SYNPO2: variants seen among roughly 807,000 people sequenced by gnomAD.
The protein encoded by SYNPO2 is synaptopodin-2.
SYNPO2 carries 56 observed loss-of-function variants against 85.0 expected under a neutral mutation model. That is an observed-to-expected ratio of 0.66 (90% confidence interval 0.53 to 0.82). The LOEUF (loss-of-function observed/expected upper bound fraction) is 0.82, where lower values mean the gene tolerates loss of function less well. Ranked by LOEUF, SYNPO2 falls within the 40% of genes least tolerant of loss-of-function variation. The pLI, the probability that SYNPO2 is intolerant of heterozygous loss-of-function variation, is 0.00. For missense variants in SYNPO2, 1,575 were observed against 1,534.2 expected (o/e 1.03, Z -0.44); for synonymous variants, 602 against 591.1 (o/e 1.02, Z -0.27).
intron 1 of SYNPO2, among the ~76,000 whole-genome samples, chr4:118,998,427 A>G (rs1736698528): frequency 6.6e-6 from 1 of 152,226 alleles, no homozygotes; most frequent in Non-Finnish European, 1.5e-5. Context: ...TCTGATGATG[A>G]GAAAATTAAT....
intron 1 of SYNPO2, among the ~76,000 whole-genome samples, chr4:118,968,774 C>T (rs1735411530): frequency 6.6e-6 from 1 of 152,162 alleles, no homozygotes; most frequent in African/African-American, 2.4e-5. Context: ...AATGGCATAA[C>T]TCCCTTGTGG....
intron 1 of SYNPO2, among the ~76,000 whole-genome samples, chr4:118,958,004 G>A (rs1734938920): frequency 1.3e-5 from 2 of 152,162 alleles, no homozygotes; most frequent in African/African-American, 4.8e-5. Context: ...GTGCTGAGAT[G>A]AGCTAATTCT....
intron 2 of SYNPO2, among the ~76,000 whole-genome samples, chr4:119,025,606 T>C (rs895524312): frequency 8.6e-5 from 13 of 152,044 alleles, no homozygotes; most frequent in African/African-American, 2.4e-4. Flanking sequence ...AGAATCCAAG[T>C]AGAAGCTCAC....
At chr4:118,961,104 C>CCA (rs796180164) in intron 1 of SYNPO2, among the ~76,000 whole-genome samples, 9 of 117,416 alleles carry the variant, frequency 7.7e-5, no homozygotes, top group African/African-American at 6.5e-5. Flanking sequence ...TTACCGCCCC[C>CCA]CCCCCACCCC....
chr4:118,974,951 A>C (rs1401528025), intron 1 of SYNPO2, among the ~76,000 whole-genome samples: 3 of 152,184 alleles, frequency 2.0e-5, no homozygotes, highest in African/African-American at 7.2e-5. Flanking sequence ...CACACTGACT[A>C]ATCTCCCTAG....
At chr4:119,018,177 CAT>C (rs1417956405) in intron 1 of SYNPO2, among the ~76,000 whole-genome samples, 2 of 152,094 alleles carry the variant, frequency 1.3e-5, no homozygotes, top group African/African-American at 4.8e-5. Flanking sequence ...GAAATCCTCA[CAT>C]GTGAGTGAGA....
intron 1 of SYNPO2, among the ~76,000 whole-genome samples, chr4:118,910,404 G>A (rs1733096487): frequency 6.6e-6 from 1 of 152,284 alleles, no homozygotes; most frequent in South Asian, 2.1e-4. Flanking sequence ...AAGGAGGTGC[G>A]TTGCACCGGG....
intron 1 of SYNPO2, among the ~76,000 whole-genome samples, chr4:119,001,574 C>T (rs753882521): frequency 1.3e-5 from 2 of 152,176 alleles, no homozygotes; most frequent in South Asian, 2.1e-4. Context: ...TCCAGTATAC[C>T]GGGAAGCCAA....
intron 1 of SYNPO2, among the ~76,000 whole-genome samples, chr4:118,935,472 A>G (rs1319631251): frequency 6.6e-6 from 1 of 152,290 alleles, no homozygotes; most frequent in Non-Finnish European, 1.5e-5. Context: ...CAATGTATAC[A>G]TAATAATACA....
chr4:118,867,812 A>G (rs578059427), intron 1 of SYNPO2, among the ~76,000 whole-genome samples: 1 of 152,172 alleles, frequency 6.6e-6, no homozygotes, highest in Non-Finnish European at 1.5e-5. Flanking sequence ...CTTTAGATCT[A>G]AAGCAAAGTA....
intron 1 of SYNPO2, among the ~76,000 whole-genome samples, chr4:118,901,567 G>T (rs1732757325): frequency 6.6e-6 from 1 of 152,168 alleles, no homozygotes; most frequent in African/African-American, 2.4e-5. Flanking sequence ...TGTTGTGCTT[G>T]AAATGTGTTA....
intron 1 of SYNPO2, among the ~76,000 whole-genome samples, chr4:119,022,007 T>C (rs549325272): frequency 6.6e-6 from 1 of 152,358 alleles, no homozygotes; most frequent in South Asian, 2.1e-4. Context: ...GCTTTTACTT[T>C]CTGCAAAGTA....
chr4:118,951,539 T>C (rs1734697140), intron 1 of SYNPO2, among the ~76,000 whole-genome samples: 1 of 152,192 alleles, frequency 6.6e-6, no homozygotes, highest in South Asian at 2.1e-4. Context: ...AGCAAGTTTG[T>C]TGGGACCCAA....
chr4:118,937,683 A>T (rs2149135879), intron 1 of SYNPO2, among the ~76,000 whole-genome samples: 1 of 152,266 alleles, frequency 6.6e-6, no homozygotes, highest in South Asian at 2.1e-4. Context: ...AATAAAGAAA[A>T]AAAAATATAA....
In SYNPO2 at chr4:119,058,013, T is replaced by C; in HGVS notation, c.*79T>C. 6.9e-7 allele frequency: 1 copy of C among 1,442,226 alleles called. No homozygotes were observed. The highest frequency in any genetic ancestry group is 9.3e-7 in the Non-Finnish European group (1 of 1,074,522). The allele number at this position is 1,442,226 out of a possible 1,614,324, so 89.3% of individuals were successfully genotyped here. A position where few individuals can be genotyped will look rare whatever the true frequency, so the allele number is the denominator to read the frequency against. On this transcript the variant is annotated 3_prime_UTR_variant, in exon 5 of 5. Coordinates refer to ENST00000307142, the MANE Select transcript of SYNPO2 (RefSeq NM_133477.3). ...TTTGTAGGGTTTTAAACTTTTCTAA[T>C]AGATTTAGATTCACTTTTGGTCTTG...
intron 1 of SYNPO2, among the ~76,000 whole-genome samples, chr4:118,893,728 G>A: frequency 6.6e-6 from 1 of 152,016 alleles, no homozygotes; most frequent in East Asian, 1.9e-4. Context: ...TCTGATGTGT[G>A]GTCAAGATTC....
chr4:118,879,647 A>G (rs1328416743), intron 1 of SYNPO2, among the ~76,000 whole-genome samples: 1 of 152,138 alleles, frequency 6.6e-6, no homozygotes. Flanking sequence ...CGCCCAGCGT[A>G]TGATACTGTG....
intron 1 of SYNPO2, among the ~76,000 whole-genome samples, chr4:118,962,197 C>T (rs1735123519): frequency 6.6e-6 from 1 of 152,038 alleles, no homozygotes; most frequent in African/African-American, 2.4e-5. Context: ...TGAAAAGGAG[C>T]TGTCAAAGGA....
At chr4:118,867,575 G>T (rs529472854) in intron 1 of SYNPO2, among the ~76,000 whole-genome samples, 69 of 151,150 alleles carry the variant, frequency 4.6e-4, no homozygotes, top group Non-Finnish European at 7.5e-4. Context: ...TGAATGCTTC[G>T]GTACAAATCA....
Sources: allele counts gnomAD v4.1 joint callset (sites outside exome capture counted in the v4.1 genomes callset), GRCh38; gene constraint gnomAD v4.1.1; transcripts MANE v1.5; gene names NCBI Gene and HGNC (gene_info 2026-07-23, HGNC 2026-07-21).